FOXN1: variants seen among roughly 807,000 people sequenced by gnomAD.
The protein encoded by FOXN1 is forkhead box N1, also known as forkhead box protein N1.
FOXN1 carries 15 observed loss-of-function variants against 49.0 expected under a neutral mutation model. The ratio of observed to expected loss-of-function variants is 0.31; its 90% CI spans 0.20 to 0.47. The LOEUF is 0.47. Among genes scored for constraint, FOXN1 ranks in the 20% least tolerant of loss-of-function variants. The pLI, the probability that FOXN1 is intolerant of heterozygous loss-of-function variation, is 1.00. For synonymous variants in FOXN1, 356 were observed against 369.0 expected (o/e 0.96, Z 0.40); for missense variants, 800 against 842.8 (o/e 0.95, Z 0.63).
At position 28,533,365 on chromosome 17, in the gene FOXN1, G is replaced by A. The variant is rs900211430; in HGVS notation, c.928-966G>A. 3.3e-5 allele frequency among the ~76,000 whole-genome samples: 5 copies of A among 152,054 alleles called. No individual in the cohort carries two copies. In the South Asian group the frequency reaches 6.2e-4, roughly 19 times the overall value. ...GGGCAGGGGGCCCACTGGCACTCCC[G>A]CCACCGCCTCTCACCCAACTGAGTC... On this transcript the variant is annotated intron_variant, in intron 6 of 8. Coordinates refer to ENST00000579795, the MANE Select transcript of FOXN1 (RefSeq NM_001369369.1).
chr17:28,507,659 C>T (rs891830173), intron 1 of FOXN1, among the ~76,000 whole-genome samples: 8 of 152,184 alleles, frequency 5.3e-5, no homozygotes, highest in Admixed American at 1.3e-4. Context: ...TCTGCTTGCC[C>T]GGTAGCCTTC....
At chr17:28,527,038 G>A (rs754972716) in intron 3 of FOXN1, among the ~76,000 whole-genome samples, 5 of 151,520 alleles carry the variant, frequency 3.3e-5, no homozygotes, top group Non-Finnish European at 4.4e-5. Flanking sequence ...GAGGGGAGGC[G>A]TAGGGACTGC....
intron 6 of FOXN1, among the ~76,000 whole-genome samples, chr17:28,533,265 C>T (rs1048095062): frequency 5.9e-5 from 9 of 152,184 alleles, no homozygotes; most frequent in East Asian, 1.9e-4. Flanking sequence ...CCGGCCAGAG[C>T]GAGTGCCCTA....
intron 1 of FOXN1, among the ~76,000 whole-genome samples, chr17:28,521,641 G>A (rs2069644063): frequency 6.6e-6 from 1 of 152,240 alleles, no homozygotes; most frequent in African/African-American, 2.4e-5. Flanking sequence ...AAGAAGGGGT[G>A]GTGGGGACTC....
At chr17:28,514,005 G>C (rs2069444504) in intron 1 of FOXN1, among the ~76,000 whole-genome samples, 1 of 152,202 alleles carries the variant, frequency 6.6e-6, no homozygotes, top group Non-Finnish European at 1.5e-5. Flanking sequence ...AAGAGGCTCT[G>C]GTGGGTGGCT....
At chr17:28,529,369 G>A in intron 5 of FOXN1, 145 bp downstream of exon 5, 4 of 1,026,880 alleles carry the variant, frequency 3.9e-6, no homozygotes, top group Non-Finnish European at 6.0e-6. Flanking sequence ...GCTGGAGAGA[G>A]GGTTCCTGCA....
At position 28,516,836 on chromosome 17, in the gene FOXN1, A is replaced by G. The variant is rs1409267406; in HGVS notation, c.-14-7120A>G. 3.8e-4 allele frequency among the ~76,000 whole-genome samples: 26 copies of G among 69,118 alleles called. 4 individuals are homozygous for G. The highest frequency in any genetic ancestry group is 8.9e-4 in the African/African-American group (20 of 22,486). The allele number at this position is 69,118 out of a possible 152,430, so 45.3% of individuals were successfully genotyped here. A position where few individuals can be genotyped will look rare whatever the true frequency, so the allele number is the denominator to read the frequency against. On this transcript the variant is annotated intron_variant, in intron 1 of 8. Transcript: ENST00000579795. ...ACCTCCACAGGATACACACCTCCAC[A>G]GGGTACACACCTCCACAGGGTACAC...
intron 4 of FOXN1, among the ~76,000 whole-genome samples, chr17:28,528,567 C>T (rs1597557306): frequency 6.6e-6 from 1 of 152,232 alleles, no homozygotes; most frequent in South Asian, 2.1e-4. Flanking sequence ...CTACCCCCAT[C>T]CCCCATAAAA....
intron 1 of FOXN1, among the ~76,000 whole-genome samples, chr17:28,507,269 C>T (rs1000159441): frequency 6.6e-6 from 1 of 152,200 alleles, no homozygotes; most frequent in African/African-American, 2.4e-5. Context: ...CCACTACCCG[C>T]TCAGATAAGG....
chr17:28,524,491 C>A lies in FOXN1; in HGVS notation c.124-12C>A. ...CCTCCACTCACAGGCTCGCTACTCT[C>A]TGTCTACCCAGAAGCATGCCGGCTT... On this transcript the variant is annotated splice_polypyrimidine_tract_variant and intron_variant, in intron 2 of 8. Coordinates refer to ENST00000579795, the MANE Select transcript of FOXN1 (RefSeq NM_001369369.1). 6.2e-7 allele frequency: 1 copy of A among 1,612,604 alleles called. No homozygotes were observed. Among genetic ancestry groups the A allele is most frequent in the Non-Finnish European group, 8.5e-7 (1 of 1,178,988 alleles).
chr17:28,506,888 C>T (rs1294484763), intron 1 of FOXN1, among the ~76,000 whole-genome samples: 17 of 152,182 alleles, frequency 1.1e-4, no homozygotes, highest in Non-Finnish European at 5.9e-5. Flanking sequence ...TGGGGAGCAC[C>T]AAGGGTGTGT....
intron 4 of FOXN1, 71 bp downstream of exon 4, chr17:28,527,432 G>GTGTC: frequency 1.2e-6 from 1 of 864,744 alleles, no homozygotes; most frequent in Non-Finnish European, 1.9e-6. Flanking sequence ...TGGTGTGTGG[G>GTGTC]TGTCTATGTG....
At position 28,529,237 on chromosome 17, in the gene FOXN1, C is replaced by G; in HGVS notation, c.830+13C>G. 1 of 1,614,016 alleles carries G rather than the reference C, an allele frequency of 6.2e-7. No homozygotes were observed. The highest frequency in any genetic ancestry group is 8.5e-7 in the Non-Finnish European group (1 of 1,179,890). On this transcript the variant is annotated intron_variant, in intron 5 of 8. Coordinates refer to ENST00000579795, the MANE Select transcript of FOXN1 (RefSeq NM_001369369.1). Reference sequence around the variant, plus strand: ...TCTATTCCTACAGGTACATTTCCCACTCTCCAGGGATGGGAGGAGGAGGGG... The same window carrying G: ...TCTATTCCTACAGGTACATTTCCCAGTCTCCAGGGATGGGAGGAGGAGGGG...
chr17:28,525,082 A>G, intron 3 of FOXN1, 115 bp downstream of exon 3: 1 of 857,880 alleles, frequency 1.2e-6, no homozygotes, highest in Non-Finnish European at 1.9e-6. Flanking sequence ...AGACCTTGCC[A>G]CTCAAGACCA....
chr17:28,513,305 C>T (rs1940235), intron 1 of FOXN1, among the ~76,000 whole-genome samples: 85,118 of 152,038 alleles, frequency 0.56, 24,929 homozygotes, highest in East Asian at 0.66. Flanking sequence ...TAAACATTCA[C>T]GGGTAGGTCA....
chr17:28,515,530 G>C (rs2069476411), intron 1 of FOXN1, among the ~76,000 whole-genome samples: 1 of 151,022 alleles, frequency 6.6e-6, no homozygotes, highest in Non-Finnish European at 1.5e-5. Context: ...CCTTCACAGA[G>C]GTACACCCCT....
intron 4 of FOXN1, among the ~76,000 whole-genome samples, chr17:28,528,494 A>C (rs2151491205): frequency 6.6e-6 from 1 of 152,224 alleles, no homozygotes; most frequent in East Asian, 1.9e-4. Flanking sequence ...CAGGCACTAA[A>C]TGTCTCTTGG....
At chr17:28,521,161 A>C (rs2069633556) in intron 1 of FOXN1, among the ~76,000 whole-genome samples, 1 of 152,084 alleles carries the variant, frequency 6.6e-6, no homozygotes, top group Admixed American at 6.5e-5. Context: ...AGTGAGGCAC[A>C]GAGAGCTACA....
intron 1 of FOXN1, among the ~76,000 whole-genome samples, chr17:28,520,943 C>T (rs1416291682): frequency 6.6e-6 from 1 of 152,008 alleles, no homozygotes; most frequent in Non-Finnish European, 1.5e-5. Flanking sequence ...CAGCCAATCG[C>T]CCCAGGACTG....
Sources: allele counts gnomAD v4.1 joint callset (sites outside exome capture counted in the v4.1 genomes callset), GRCh38; gene constraint gnomAD v4.1.1; transcripts MANE v1.5; gene names NCBI Gene and HGNC (gene_info 2026-07-23, HGNC 2026-07-21).